Variants in DUOX1 observed in about 807,000 individuals in gnomAD.
DUOX1 encodes the protein NADPH thyroid oxidase 1.
In DUOX1, 134 loss-of-function variants were observed where a neutral mutation model predicts 181.8. That is an observed-to-expected ratio of 0.74 (90% CI 0.64 to 0.85). The LOEUF is 0.85. Among genes scored for constraint, DUOX1 ranks in the 40% least tolerant of loss-of-function variants. The pLI is 0.00. For synonymous variants in DUOX1, 798 were observed against 832.5 expected (o/e 0.96, Z 0.71); for missense variants, 1,814 against 2,064.4 (o/e 0.88, Z 2.35).
intron 15 of DUOX1, 120 bp downstream of exon 15, chr15:45,142,232 G>A (rs1297367272): frequency 2.5e-6 from 3 of 1,197,382 alleles, no homozygotes; most frequent in Non-Finnish European, 3.5e-6. Flanking sequence ...CTTTGGGTAG[G>A]AGAATGAAAC....
rs755801190 is a variant in DUOX1 at position 45,150,697 on chromosome 15, A to T, written c.2884A>T (p.Ile962Phe). 4 of 1,613,752 alleles carry T rather than the reference A, an allele frequency of 2.5e-6. No individual in the cohort carries two copies. In the East Asian group the frequency reaches 6.7e-5, roughly 27 times the overall value. ...AGCCTCCTACATCAGCCAGGATATGATCTGGTGAGCACCCATCTGGGAATG... is the reference window on the plus strand; with the variant it reads ...AGCCTCCTACATCAGCCAGGATATGTTCTGGTGAGCACCCATCTGGGAATG... ...RRASYISQDMICPSPRVSARC... is the reference protein window; with the variant it reads ...RRASYISQDMFCPSPRVSARC... The change falls in exon 22 of 34, where the codon ATC (isoleucine) becomes TTC (phenylalanine). Residue 962 changes from isoleucine to phenylalanine, a missense_variant. By Grantham distance (21) the Ile-to-Phe change is conservative. Transcript: ENST00000389037.
chr15:45,163,997 A>G, intron 33 of DUOX1, 79 bp downstream of exon 33: 1 of 1,550,442 alleles, frequency 6.4e-7, no homozygotes, highest in East Asian at 2.3e-5. Flanking sequence ...TTCCCCATCG[A>G]GGAAGAAATC....
intron 28 of DUOX1, 120 bp from the exon 29 acceptor site, chr15:45,160,717 C>T (rs552104241): frequency 1.2e-5 from 14 of 1,137,956 alleles, no homozygotes; most frequent in African/African-American, 6.3e-5. Flanking sequence ...GAGCATGGTA[C>T]GTGGTGAGGT....
At chr15:45,164,725 G>A (rs926005600) in intron 33 of DUOX1, 54 bp from the exon 34 acceptor site, 23 of 1,611,242 alleles carry the variant, frequency 1.4e-5, no homozygotes, top group Middle Eastern at 1.6e-4. Flanking sequence ...TGAACACTGC[G>A]TTATCCCTGC....
rs767011425 is a variant in DUOX1, at chr15:45,163,871, C to A, written c.4486C>A (p.Pro1496Thr). Residue 1496 changes from proline (P) to threonine (T), a missense_variant, in exon 33 of 34, where the codon CCC becomes ACC. Coordinates refer to ENST00000389037, the MANE Select transcript of DUOX1 (RefSeq NM_175940.3). ...GCGCTCCATCACCCACTTTGGCCGT[C>A]CCCCCTTTGAGCCCTTCTTCAACTC... is the stretch of plus-strand genomic sequence containing the variant. ...GLRSITHFGRPPFEPFFNSLQ... is the reference protein window; with the variant it reads ...GLRSITHFGRTPFEPFFNSLQ... 16 of 1,613,988 alleles carry A rather than the reference C, an allele frequency of 9.9e-6. No individual in the cohort carries two copies. The highest frequency in any genetic ancestry group is 1.3e-5 in the Non-Finnish European group (15 of 1,180,026).
rs754308004 is a variant in DUOX1 at position 45,135,485 on chromosome 15, G to A, written c.507G>A (p.Val169=). Residue 169 remains valine, a synonymous_variant, in exon 6 of 34, where the codon GTG becomes GTA. Transcript: ENST00000389037. ...CGCGTGCCCCGCAGGCCAACCAGGT[G>A]ACGGGCTGGCTGGACGGCAGCGCCA... ...PSNPRDPANQ[V]TGWLDGSAIY... is the part of the protein sequence containing the mutation. The A allele has an allele frequency of 5.1e-6, 8 of 1,554,142 alleles. No individual in the cohort carries two copies. In the African/African-American group the frequency reaches 8.2e-5, roughly 16 times the overall value.
rs140943243 is a variant in DUOX1 at position 45,136,363 on chromosome 15, A to T, written c.878A>T (p.Tyr293Phe). Residue 293 changes from tyrosine (Y) to phenylalanine (F), a missense_variant, in exon 8 of 34, where the codon TAT becomes TTT. Coordinates refer to ENST00000389037, the MANE Select transcript of DUOX1 (RefSeq NM_175940.3). ...TCTGCCCCTCAGAACATCGCTGTGT[A>T]TGAGTGGCTGCCCAGCTTCCTGCAG... is the stretch of plus-strand genomic sequence containing the variant. ...VIATYQNIAV[Y>F]EWLPSFLQKT... is the part of the protein sequence containing the mutation. 1.9e-6 allele frequency: 3 copies of T among 1,613,796 alleles called. No homozygotes were observed. Among genetic ancestry groups the T allele is most frequent in the Non-Finnish European group, 2.5e-6 (3 of 1,180,010 alleles).
intron 2 of DUOX1, 131 bp from the exon 3 acceptor site, chr15:45,133,733 C>T: frequency 2.6e-6 from 2 of 761,068 alleles, no homozygotes; most frequent in Non-Finnish European, 4.5e-6. Flanking sequence ...CACCCTACCT[C>T]TCACATCCAC....
chr15:45,156,759 ATC>A, intron 28 of DUOX1, among the ~76,000 whole-genome samples: 1 of 152,030 alleles, frequency 6.6e-6, no homozygotes, highest in Non-Finnish European at 1.5e-5. Flanking sequence ...GACTCTACCT[ATC>A]CCCTTTCCTT....
In DUOX1 at chr15:45,165,225, CTATGTGTGTGCATGTCTG is replaced by C. The variant is rs1946994806; in HGVS notation, c.*334_*351del. The C allele has an allele frequency of 2.5e-6, 1 of 404,398 alleles. No individual in the cohort carries two copies. Among genetic ancestry groups the C allele is most frequent in the Admixed American group, 4.0e-5 (1 of 25,260 alleles). 25.1% of individuals were successfully genotyped at this position (404,398 alleles called of 1,614,324 possible). A position where few individuals can be genotyped will look rare whatever the true frequency, so the allele number is the denominator to read the frequency against. On this transcript the variant is annotated 3_prime_UTR_variant, in exon 34 of 34. Transcript: ENST00000389037. ...AGAAGACAAGCTGACCTGACAAGTA[CTATGTGTGTGCATGTCTG>C]TATGTGTGTTGGGGCGGTGAGTGTA... is the stretch of plus-strand genomic sequence containing the variant.
At position 45,148,020 on chromosome 15, in the gene DUOX1, G is replaced by A. The variant is rs1224687495; in HGVS notation, c.2642+23G>A. ...GAGGTTTGTTCTCTGGGACAGCCAG[G>A]AGAATGGGCCAGGGCAGGGATGCCA... On this transcript the variant is annotated intron_variant, in intron 20 of 33. Coordinates refer to ENST00000389037, the MANE Select transcript of DUOX1 (RefSeq NM_175940.3). 6 of 1,598,280 alleles carry A rather than the reference G, an allele frequency of 3.8e-6. No individual in the cohort carries two copies. The East Asian group carries it at 6.7e-5, about 18-fold the overall frequency.
rs764293674 is a variant in DUOX1 at position 45,162,377 on chromosome 15, G to T, written c.4248G>T (p.Lys1416Asn). 39 of 1,613,058 alleles carry T rather than the reference G, an allele frequency of 2.4e-5. No homozygotes were observed. Among genetic ancestry groups the T allele is most frequent in the Non-Finnish European group, 3.1e-5 (37 of 1,179,476 alleles). Residue 1416 changes from lysine (K) to asparagine (N), a missense_variant and splice_region_variant, in exon 31 of 34, where the codon AAG (lysine) becomes AAT (asparagine). Coordinates refer to ENST00000389037, the MANE Select transcript of DUOX1 (RefSeq NM_175940.3). ...TCAGCTGCCAAGTGTTCTGTAAGAA[G>T]GTGAGTACTGCCCCCACTTCCCACC... ...SSVSCQVFCKKIYFIWVTRTQ... is the reference protein window; with the variant it reads ...SSVSCQVFCKNIYFIWVTRTQ...
At chr15:45,159,222 G>C (rs1446695621) in intron 28 of DUOX1, among the ~76,000 whole-genome samples, 1 of 152,214 alleles carries the variant, frequency 6.6e-6, no homozygotes, top group Non-Finnish European at 1.5e-5. Flanking sequence ...TGAAACTGAG[G>C]GGCTGTGGCT....
intron 27 of DUOX1, among the ~76,000 whole-genome samples, chr15:45,154,949 G>A (rs1344858458): frequency 2.6e-5 from 4 of 152,244 alleles, no homozygotes; most frequent in Non-Finnish European, 2.9e-5. Context: ...GTGATGAGCA[G>A]GGACAGTGTG....
chr15:45,161,807 C>T lies in DUOX1; in HGVS notation c.3926C>T (p.Ala1309Val), dbSNP rs1419689560. The T allele has an allele frequency of 1.9e-6, 3 of 1,613,574 alleles. No homozygotes were observed. In the South Asian group the frequency reaches 3.3e-5, roughly 18 times the overall value. Reference protein sequence around the residue: ...EYKSGQWVRIACLALGTTEYH... With the variant: ...EYKSGQWVRIVCLALGTTEYH... Reference sequence around the variant, plus strand: ...AAGTCAGGGCAGTGGGTGCGGATCGCTTGCCTGGCTCTGGGGACCACCGAG... The same window carrying T: ...AAGTCAGGGCAGTGGGTGCGGATCGTTTGCCTGGCTCTGGGGACCACCGAG... The change falls in exon 30 of 34, where the codon GCT becomes GTT. Residue 1309 changes from alanine to valine, a missense_variant. By Grantham distance (64) the Ala-to-Val change is moderately conservative. This residue lies in a region of DUOX1 where 279 missense variants were observed against 381.9 expected (regional missense o/e 0.73). Transcript: ENST00000389037.
At chr15:45,158,061 G>C (rs531718559) in intron 28 of DUOX1, among the ~76,000 whole-genome samples, 1 of 152,188 alleles carries the variant, frequency 6.6e-6, no homozygotes, top group Non-Finnish European at 1.5e-5. Flanking sequence ...AGGCAGAAGA[G>C]GGCAGGGCTA....
intron 9 of DUOX1, among the ~76,000 whole-genome samples, chr15:45,137,176 C>T (rs1407842681): frequency 3.0e-5 from 4 of 131,846 alleles, no homozygotes; most frequent in Non-Finnish European, 4.7e-5. Flanking sequence ...GCAGAAACCT[C>T]GTCTCTACTA....
intron 16 of DUOX1, 111 bp from the exon 17 acceptor site, chr15:45,143,925 G>C (rs1191425345): frequency 9.8e-7 from 1 of 1,024,556 alleles, no homozygotes; most frequent in African/African-American, 1.6e-5. Flanking sequence ...CCCAGAAGGG[G>C]ACAATGAACT....
In DUOX1 at chr15:45,134,326, C is replaced by G; in HGVS notation, c.307+17C>G. 1 of 1,579,482 alleles carries G rather than the reference C, an allele frequency of 6.3e-7. No homozygotes were observed. The highest frequency in any genetic ancestry group is 8.6e-7 in the Non-Finnish European group (1 of 1,166,788). ...TCTTCTTTGGTGAGAACTTCAACCT[C>G]TGGGGAAGGAAGCCGGTGGGGTCGG... is the stretch of plus-strand genomic sequence containing the variant. On this transcript the variant is annotated intron_variant, in intron 4 of 33. Transcript: ENST00000389037.
Sources: gnomAD v4.1 joint callset for allele counts (sites outside exome capture counted in the v4.1 genomes callset) on GRCh38, gnomAD v4.1.1 for gene constraint, gnomAD v4.1.1 regional missense constraint, MANE v1.5 for transcripts, NCBI Gene and HGNC (gene_info 2026-07-23, HGNC 2026-07-21) for gene names.